The following MRPS30 variants were observed in gnomAD, a reference collection of about 807,000 sequenced individuals.
MRPS30 encodes the protein mitochondrial ribosomal protein S30, also known as large ribosomal subunit protein mL65.
A neutral mutation model predicts 43.8 loss-of-function variants in MRPS30; 42 were observed. That is an observed-to-expected ratio of 0.96 (90% CI 0.75 to 1.24). MRPS30 has a LOEUF of 1.24. MRPS30 is among the 50% of genes most tolerant of loss of function. The pLI is 0.00. For missense variants in MRPS30, 638 were observed against 570.0 expected (o/e 1.12, Z -1.22); for synonymous variants, 273 against 228.2 (o/e 1.20, Z -1.77).
In MRPS30 at chr5:44,811,902, CTTTTTCTT is replaced by C; in HGVS notation, c.748-11_748-4del. 1 of 1,450,662 alleles carries C rather than the reference CTTTTTCTT, an allele frequency of 6.9e-7. No individual in the cohort carries two copies. The highest frequency in any genetic ancestry group is 9.3e-7 in the Non-Finnish European group (1 of 1,071,998). 89.9% of individuals were successfully genotyped at this position (1,450,662 alleles called of 1,614,324 possible). ...TTGCTGTGAATTTAGTATGTCTTTTCTTTTTCTTTAAGTTTGTGCCATTGGATTATTCT... is the reference window on the plus strand; with the variant it reads ...TTGCTGTGAATTTAGTATGTCTTTTCTAAGTTTGTGCCATTGGATTATTCT... On this transcript the variant is annotated splice_region_variant and splice_polypyrimidine_tract_variant and intron_variant, in intron 2 of 4. Transcript: ENST00000507110.
rs148250980 is a variant in MRPS30 at position 44,811,942 on chromosome 5, A to G, written c.775A>G (p.Ile259Val). The G allele has an allele frequency of 8.8e-6, 14 of 1,593,274 alleles. No individual in the cohort carries two copies. Among genetic ancestry groups the G allele is most frequent in the East Asian group, 6.8e-5 (3 of 43,894 alleles). ...TGTGCCATTGGATTATTCTGTTCCT[A>G]TAGAAATCCCCACTATAAAATGTAA... ...EFVPLDYSVP[I>V]EIPTIKCKPD... is the part of the protein sequence containing the mutation. The change falls in exon 3 of 5, where the codon ATA (isoleucine) becomes GTA (valine). Residue 259 changes from isoleucine to valine, a missense_variant. By Grantham distance (29) the Ile-to-Val change is conservative. Transcript: ENST00000507110.
In MRPS30 at chr5:44,809,109, C is replaced by T. The variant is rs1382159597; in HGVS notation, c.147C>T (p.Ala49=). Residue 49 remains alanine (A), a synonymous_variant, in exon 1 of 5, where the codon GCC becomes GCT. Transcript: ENST00000507110. ...TCGCGCGGTACCCGCCGATTGTGGC[C>T]TCCATGACAGCCGACAGCAAAGCTG... ...TPVARYPPIV[A]SMTADSKAAR... is the part of the protein sequence containing the mutation. The T allele has an allele frequency of 1.2e-6, 2 of 1,611,910 alleles. No individual in the cohort carries two copies. Among genetic ancestry groups the T allele is most frequent in the South Asian group, 2.2e-5 (2 of 90,946 alleles).
At chr5:44,811,194 T>C in intron 2 of MRPS30, 40 bp downstream of exon 2, 1 of 1,601,568 alleles carries the variant, frequency 6.2e-7, no homozygotes, top group Non-Finnish European at 8.5e-7. Flanking sequence ...TGATATCTCG[T>C]GTAGGATTTG....
At chr5:44,814,713 G>A (rs1021896659) in intron 4 of MRPS30, among the ~76,000 whole-genome samples, 200 bp from the exon 5 acceptor site, 1 of 152,116 alleles carries the variant, frequency 6.6e-6, no homozygotes, top group African/African-American at 2.4e-5. Context: ...TACTAGAAGG[G>A]AGGAAAATAT....
intron 3 of MRPS30, among the ~76,000 whole-genome samples, chr5:44,812,576 A>G (rs1352704142): frequency 6.6e-6 from 1 of 152,092 alleles, no homozygotes; most frequent in East Asian, 1.9e-4. Context: ...AGTGACCTGC[A>G]AGGAACTTTT....
intron 4 of MRPS30, among the ~76,000 whole-genome samples, chr5:44,814,314 T>C (rs1053111927): frequency 6.6e-6 from 1 of 152,208 alleles, no homozygotes; most frequent in African/African-American, 2.4e-5. Context: ...TTTTAACATA[T>C]ATATGTATTT....
At chr5:44,812,780 A>G (rs1390305292) in intron 3 of MRPS30, among the ~76,000 whole-genome samples, 1 of 152,132 alleles carries the variant, frequency 6.6e-6, no homozygotes, top group Non-Finnish European at 1.5e-5. Flanking sequence ...TATGACAAGG[A>G]GACAACCATA....
chr5:44,811,185 G>A, intron 2 of MRPS30, 31 bp downstream of exon 2: 1 of 1,607,914 alleles, frequency 6.2e-7, no homozygotes, highest in South Asian at 1.1e-5. Flanking sequence ...TGTATCTATT[G>A]ATATCTCGTG....
At chr5:44,812,984 G>A (rs951607034) in intron 3 of MRPS30, 122 bp from the exon 4 acceptor site, 2 of 759,676 alleles carry the variant, frequency 2.6e-6, no homozygotes, top group South Asian at 1.9e-5. Context: ...TCCTACTTAT[G>A]TATTTAGAGT....
In MRPS30 at chr5:44,809,340, G is replaced by A. The variant is rs564904072; in HGVS notation, c.378G>A (p.Glu126=). 1.2e-6 allele frequency: 2 copies of A among 1,608,874 alleles called. No individual in the cohort carries two copies. The highest frequency in any genetic ancestry group is 1.3e-5 in the African/African-American group (1 of 74,666). The part of the protein sequence containing the change: ...SGLPPPPAEP[E]PEPEPEPEPA... ...TGCCGCCGCCCCCAGCGGAGCCCGAGCCCGAGCCCGAACCCGAACCTGAAC... is the reference window on the plus strand; with the variant it reads ...TGCCGCCGCCCCCAGCGGAGCCCGAACCCGAGCCCGAACCCGAACCTGAAC... Residue 126 remains glutamate, a synonymous_variant, in exon 1 of 5, where the codon GAG becomes GAA. Transcript: ENST00000507110.
chr5:44,811,044 G>A lies in MRPS30; in HGVS notation c.637G>A (p.Gly213Ser). 1.2e-6 allele frequency: 2 copies of A among 1,614,012 alleles called. No individual in the cohort carries two copies. The highest frequency in any genetic ancestry group is 1.7e-6 in the Non-Finnish European group (2 of 1,179,944). Reference protein sequence around the residue: ...RCPVHFYWVRGEEIIPRGHRR... With the variant: ...RCPVHFYWVRSEEIIPRGHRR... ...CCCAGTTCATTTTTACTGGGTGCGT[G>A]GTGAAGAAATTATTCCTCGTGGTCA... Residue 213 changes from glycine to serine, a missense_variant, in exon 2 of 5, where the codon GGT (glycine) becomes AGT (serine). Transcript: ENST00000507110.
Position 44,808,969 on chromosome 5 carries a change from G to C in MRPS30, c.7G>C (p.Ala3Pro), listed in dbSNP as rs1017075752. MA[A>P]ARCWRPLLRG... ...TCCGGAATCGCGGGCAAAGATGGCG[G>C]CGGCCAGGTGTTGGAGGCCTTTGCT... is the stretch of plus-strand genomic sequence containing the variant. The change falls in exon 1 of 5, where the codon GCG becomes CCG. Residue 3 changes from alanine (A) to proline (P), a missense_variant. Physicochemically the swap from Ala to Pro is conservative, Grantham distance 27. Transcript: ENST00000507110. 1.8e-5 allele frequency: 28 copies of C among 1,592,584 alleles called. No individual in the cohort carries two copies. The highest frequency in any genetic ancestry group is 2.2e-5 in the Non-Finnish European group (26 of 1,170,766).
chr5:44,810,743 T>A (rs1476273220), intron 1 of MRPS30, among the ~76,000 whole-genome samples: 1 of 152,268 alleles, frequency 6.6e-6, no homozygotes, highest in Non-Finnish European at 1.5e-5. Flanking sequence ...TTATGGTGAA[T>A]GATATTCTTG....
In MRPS30 at chr5:44,815,033, A is replaced by G. The variant is rs1272433749; in HGVS notation, c.1151A>G (p.Asp384Gly). The change falls in exon 5 of 5, where the codon GAT becomes GGT. Residue 384 changes from aspartate to glycine, a missense_variant. Coordinates refer to ENST00000507110, the MANE Select transcript of MRPS30 (RefSeq NM_016640.4). The stretch of plus-strand genomic sequence containing the variant: ...ACTTTGGCACTGACTACACAAGCTG[A>G]TCAAAATAACCCTCGTAAAAATATA... ...LNTLALTTQADQNNPRKNICW... is the reference protein window; with the variant it reads ...LNTLALTTQAGQNNPRKNICW... 6.2e-7 allele frequency: 1 copy of G among 1,613,786 alleles called. No individual in the cohort carries two copies. The highest frequency in any genetic ancestry group is 1.3e-5 in the African/African-American group (1 of 74,920).
chr5:44,812,430 C>T (rs1742859233), intron 3 of MRPS30, among the ~76,000 whole-genome samples: 1 of 152,046 alleles, frequency 6.6e-6, no homozygotes, highest in Non-Finnish European at 1.5e-5. Flanking sequence ...TCTGCCCTCC[C>T]TCATGCAGCT....
intron 1 of MRPS30, 76 bp downstream of exon 1, chr5:44,809,639 C>T (rs1248558091): frequency 1.4e-6 from 2 of 1,392,286 alleles, no homozygotes; most frequent in Non-Finnish European, 2.0e-6. Context: ...CAGATTTACC[C>T]CTCGTCATTT....
At chr5:44,810,950 T>C in intron 1 of MRPS30, 59 bp from the exon 2 acceptor site, 3 of 1,496,802 alleles carry the variant, frequency 2.0e-6, no homozygotes, top group African/African-American at 1.4e-5. Flanking sequence ...AGTGTTCTAA[T>C]AGTAACCAAA....
chr5:44,810,245 G>A (rs1401327985), intron 1 of MRPS30, among the ~76,000 whole-genome samples: 1 of 152,130 alleles, frequency 6.6e-6, no homozygotes, highest in African/African-American at 2.4e-5. Flanking sequence ...ACAAACTGAG[G>A]CATAGAAACG....
intron 1 of MRPS30, among the ~76,000 whole-genome samples, chr5:44,810,649 AAT>A (rs1561264611): frequency 6.6e-6 from 1 of 152,280 alleles, no homozygotes; most frequent in East Asian, 1.9e-4. Flanking sequence ...TCTCCTATAA[AAT>A]AGAGATAATG....
Sources: allele counts gnomAD v4.1 joint callset (sites outside exome capture counted in the v4.1 genomes callset), GRCh38; gene constraint gnomAD v4.1.1; transcripts MANE v1.5; gene names NCBI Gene and HGNC (gene_info 2026-07-23, HGNC 2026-07-21).